REXO1: variants seen among roughly 807,000 people sequenced by gnomAD.
The protein encoded by REXO1 is REX1, RNA exonuclease 1 homolog.
Under a neutral mutation model 102.6 loss-of-function variants are expected in REXO1, and 42 were observed. That is an observed-to-expected ratio of 0.41 (90% CI 0.32 to 0.53). The LOEUF (loss-of-function observed/expected upper bound fraction) is 0.53, where lower values mean the gene tolerates loss of function less well. Ranked by LOEUF, REXO1 falls within the 20% of genes least tolerant of loss-of-function variation. The pLI is 0.27. For synonymous variants in REXO1, 908 were observed against 779.1 expected (o/e 1.17, Z -2.76); for missense variants, 1,819 against 1,732.5 (o/e 1.05, Z -0.89).
At chr19:1,818,192 A>G (rs2069427548) in intron 10 of REXO1, among the ~76,000 whole-genome samples, 2 of 152,192 alleles carry the variant, frequency 1.3e-5, no homozygotes, top group Non-Finnish European at 2.9e-5. Flanking sequence ...AGCAACCTCC[A>G]CATTTCCATG....
rs907453939 is a variant in REXO1, at chr19:1,816,829, G to A, written c.3202-16C>T. The A allele has an allele frequency of 2.5e-6, 4 of 1,575,590 alleles. No individual in the cohort carries two copies. Among genetic ancestry groups the A allele is most frequent in the Non-Finnish European group, 3.5e-6 (4 of 1,146,582 alleles). On this transcript the variant is annotated splice_polypyrimidine_tract_variant and intron_variant, in intron 12 of 15. Transcript: ENST00000170168. ...TGGTGTAGGACTGCGGGCAAGGGAT[G>A]CACCTCAGATGTGTCCCAGGCACCG...
intron 1 of REXO1, 135 bp downstream of exon 1, chr19:1,848,067 G>T: frequency 2.4e-6 from 1 of 422,768 alleles, no homozygotes; most frequent in Admixed American, 4.5e-5. Flanking sequence ...TTCCGGTCCC[G>T]ACTGGGAAAA....
rs538938308 is a variant in REXO1, at chr19:1,829,568, G to A, written c.158-937C>T. ...GCACGCCTGTAATCCCAACATTTTG[G>A]GAGGCCAAGGCGGGCGGATCACCTG... is the stretch of plus-strand genomic sequence containing the variant. On this transcript the variant is annotated intron_variant, in intron 1 of 15. Coordinates refer to ENST00000170168, the MANE Select transcript of REXO1 (RefSeq NM_020695.4). Among the ~76,000 whole-genome samples, 372 of 152,308 alleles carry A rather than the reference G, an allele frequency of 2.4e-3. 2 individuals carry two copies. The highest frequency in any genetic ancestry group is 7.5e-3 in the African/African-American group (312 of 41,574).
At position 1,827,820 on chromosome 19, in the gene REXO1, GGA is replaced by G; in HGVS notation, c.967_968del (p.Ser323GlnfsTer129). ...CCCCCTCGGCCTCCAGGCCCTCTTTGGAGGGTGGCTGCCCGGTGGCCTTGATC... is the reference window on the plus strand; with the variant it reads ...CCCCCTCGGCCTCCAGGCCCTCTTTGGGGTGGCTGCCCGGTGGCCTTGATC... Reference protein sequence around the residue: ...PEIKATGQPPSKEGLEAEGGG... With the variant: ...PEIKATGQPPXKEGLEAEGGG... On this transcript the variant is annotated frameshift_variant, in exon 2 of 16. Transcript: ENST00000170168. LOFTEE classifies it high-confidence loss of function. The G allele has an allele frequency of 6.2e-7, 1 of 1,609,480 alleles. No individual in the cohort carries two copies. The highest frequency in any genetic ancestry group is 8.5e-7 in the Non-Finnish European group (1 of 1,179,032).
chr19:1,817,930 A>T (rs2069419665), intron 10 of REXO1, 150 bp from the exon 11 acceptor site: 1 of 637,506 alleles, frequency 1.6e-6, no homozygotes, highest in African/African-American at 1.8e-5. Context: ...GAAGCAGACC[A>T]GGCCCCGGCA....
At chr19:1,823,114 TG>T (rs902258115) in intron 4 of REXO1, 14 of 160,962 alleles carry the variant, frequency 8.7e-5, no homozygotes, top group South Asian at 2.0e-4. Context: ...AAGACCCTGC[TG>T]GGGGGGAAGT....
chr19:1,823,785 C>T lies in REXO1; in HGVS notation c.2017G>A (p.Val673Met). 8.1e-7 allele frequency: 1 copy of T among 1,229,370 alleles called. No homozygotes were observed. Among genetic ancestry groups the T allele is most frequent in the South Asian group, 3.9e-5 (1 of 25,694 alleles). 76.2% of individuals were successfully genotyped at this position (1,229,370 alleles called of 1,614,324 possible). A position where few individuals can be genotyped will look rare whatever the true frequency, so the allele number is the denominator to read the frequency against. Residue 673 changes from valine to methionine, a missense_variant and splice_region_variant, in exon 4 of 16, where the codon GTG becomes ATG. By Grantham distance (21) the Val-to-Met change is conservative (BLOSUM62 1). Transcript: ENST00000170168. Reference sequence around the variant, plus strand: ...GCGGGACCCCTCCTCGGGGGCTCCACCTGCGTCACCACAAATGCTAAGGCC... The same window carrying T: ...GCGGGACCCCTCCTCGGGGGCTCCATCTGCGTCACCACAAATGCTAAGGCC... ...ISHLSKQGQEVEPPRRGPAVP... is the reference protein window; with the variant it reads ...ISHLSKQGQEMEPPRRGPAVP...
In REXO1 at chr19:1,820,407, G is replaced by A. The variant is rs1055096787; in HGVS notation, c.2395-12C>T. ...GGTTTCTTTAAACTCTAGAGGGAAG[G>A]CAAAAGCTGCCATGGGTGAGGGCCT... On this transcript the variant is annotated splice_polypyrimidine_tract_variant and intron_variant, in intron 5 of 15. Transcript: ENST00000170168. The A allele has an allele frequency of 6.2e-7, 1 of 1,611,786 alleles. No individual in the cohort carries two copies. Among genetic ancestry groups the A allele is most frequent in the South Asian group, 1.1e-5 (1 of 90,950 alleles).
At position 1,843,891 on chromosome 19, in the gene REXO1, T is replaced by G. The variant is rs143468490; in HGVS notation, c.157+4311A>C. Among the ~76,000 whole-genome samples, 1,217 of 152,338 alleles carry G rather than the reference T, an allele frequency of 8.0e-3. 21 individuals carry two copies. The highest frequency in any genetic ancestry group is 0.028 in the African/African-American group (1,160 of 41,574). On this transcript the variant is annotated intron_variant, in intron 1 of 15. Coordinates refer to ENST00000170168, the MANE Select transcript of REXO1 (RefSeq NM_020695.4). ...AGCCAGCGGGAGCTCCTGACCCTCCTGAGAGGCCAGAGGAAATGAAGGCAA... is the reference window on the plus strand; with the variant it reads ...AGCCAGCGGGAGCTCCTGACCCTCCGGAGAGGCCAGAGGAAATGAAGGCAA...
intron 1 of REXO1, among the ~76,000 whole-genome samples, chr19:1,841,001 G>A (rs548377487): frequency 1.0e-3 from 153 of 152,356 alleles, no homozygotes; most frequent in African/African-American, 3.5e-3. Flanking sequence ...GCCTGTCATG[G>A]GACGGGAGGC....
intron 1 of REXO1, among the ~76,000 whole-genome samples, chr19:1,838,823 G>C (rs2011182053): frequency 1.3e-5 from 2 of 151,398 alleles, no homozygotes; most frequent in East Asian, 4.0e-4. Flanking sequence ...AGTAAGTTAA[G>C]AGTCCAGCTC....
chr19:1,845,572 G>C (rs2011499470), intron 1 of REXO1, among the ~76,000 whole-genome samples: 1 of 152,230 alleles, frequency 6.6e-6, no homozygotes, highest in African/African-American at 2.4e-5. Flanking sequence ...GCTGAGCCAG[G>C]TGGATCCCTT....
intron 1 of REXO1, among the ~76,000 whole-genome samples, chr19:1,829,076 TCAGCCAACACGGCCCCACC>T (rs2069833344): frequency 6.6e-6 from 1 of 152,190 alleles, no homozygotes; most frequent in Non-Finnish European, 1.5e-5. Flanking sequence ...GAGCCCTTCC[TCAGCCAACACGGCCCCACC>T]CAGCCAGCAG....
chr19:1,833,653 G>A (rs971011521), intron 1 of REXO1, among the ~76,000 whole-genome samples: 7 of 152,158 alleles, frequency 4.6e-5, no homozygotes, highest in African/African-American at 7.2e-5. Flanking sequence ...GCTCAAGGGC[G>A]CCCTCCCGGC....
chr19:1,833,448 T>C (rs2069958790), intron 1 of REXO1, among the ~76,000 whole-genome samples: 1 of 152,170 alleles, frequency 6.6e-6, no homozygotes, highest in Non-Finnish European at 1.5e-5. Flanking sequence ...AGGGGCCCAT[T>C]CTGGCACCAT....
chr19:1,834,567 C>T (rs140706524), intron 1 of REXO1, among the ~76,000 whole-genome samples: 36 of 152,292 alleles, frequency 2.4e-4, no homozygotes, highest in African/African-American at 8.4e-4. Flanking sequence ...GCGTGCACCA[C>T]CACATCCAGC....
rs576912616 is a variant in REXO1 at position 1,827,736 on chromosome 19, C to T, written c.1053G>A (p.Pro351=). The change falls in exon 2 of 16, where the codon CCG becomes CCA. Residue 351 remains proline, a synonymous_variant. Transcript: ENST00000170168. ...AVQCDVGDLQ[P]PPAKPASPAQ... is the part of the protein sequence containing the mutation. ...CTGGGGAGGCGGGCTTGGCTGGGGG[C>T]GGCTGGAGGTCCCCCACGTCGCACT... 9.6e-6 allele frequency: 15 copies of T among 1,566,776 alleles called. No homozygotes were observed. The African/African-American group carries it at 1.2e-4, about 13-fold the overall frequency.
intron 1 of REXO1, among the ~76,000 whole-genome samples, chr19:1,830,290 T>C (rs1181234052): frequency 1.3e-5 from 2 of 152,174 alleles, no homozygotes; most frequent in Non-Finnish European, 2.9e-5. Context: ...GGGAGGATAC[T>C]GCTTGAGCTC....
rs777736974 is a variant in REXO1, at chr19:1,821,610, T to C, written c.2303A>G (p.Gln768Arg). ...QSSNGPEPGGQQLKTRTLSGM... is the reference protein window; with the variant it reads ...QSSNGPEPGGRQLKTRTLSGM... ...CGACAATGTGCGTGTTTTCAGCTGC[T>C]GGCCACCTGGCTCAGGGCCGTTGGA... The change falls in exon 5 of 16, where the codon CAG (glutamine) becomes CGG (arginine). Residue 768 changes from glutamine to arginine, a missense_variant. Physicochemically the swap from Gln to Arg is conservative, Grantham distance 43. Coordinates refer to ENST00000170168, the MANE Select transcript of REXO1 (RefSeq NM_020695.4). The C allele has an allele frequency of 1.2e-6, 2 of 1,613,638 alleles. No homozygotes were observed. The highest frequency in any genetic ancestry group is 1.3e-5 in the African/African-American group (1 of 74,918).
Sources: gnomAD v4.1 joint callset for allele counts (sites outside exome capture counted in the v4.1 genomes callset) on GRCh38, gnomAD v4.1.1 for gene constraint, MANE v1.5 for transcripts, NCBI Gene and HGNC (gene_info 2026-07-23, HGNC 2026-07-21) for gene names.